TYK2: variants seen among roughly 807,000 people sequenced by gnomAD.
TYK2 encodes tyrosine kinase 2.
Under a neutral mutation model 130.9 loss-of-function variants are expected in TYK2, and 65 were observed. That is an observed-to-expected ratio of 0.50 (90% CI 0.41 to 0.61). The LOEUF is 0.61. TYK2 is among the 20% of genes least tolerant of loss of function. The pLI is 0.00. For missense variants in TYK2, 1,378 were observed against 1,610.7 expected (o/e 0.86, Z 2.47); for synonymous variants, 647 against 658.9 (o/e 0.98, Z 0.28).
chr19:10,368,481 C>A lies in TYK2; in HGVS notation c.194-63G>T. The A allele has an allele frequency of 3.7e-6, 6 of 1,610,826 alleles. 1 individual carries two copies. In the South Asian group the frequency reaches 6.6e-5, roughly 18 times the overall value. ...TTTGCTACCGTCAGCCCCAAAGACCCCCCAGACCCAATGTCTGCCTTCACA... is the reference window on the plus strand; with the variant it reads ...TTTGCTACCGTCAGCCCCAAAGACCACCCAGACCCAATGTCTGCCTTCACA... On this transcript the variant is annotated intron_variant, in intron 3 of 24. Coordinates refer to ENST00000525621, the MANE Select transcript of TYK2 (RefSeq NM_003331.5).
chr19:10,358,318 T>A (rs1387303032), intron 15 of TYK2, among the ~76,000 whole-genome samples, 180 bp from the exon 16 acceptor site: 1 of 142,524 alleles, frequency 7.0e-6, no homozygotes, highest in East Asian at 2.0e-4. Flanking sequence ...TTTTTTTTTT[T>A]AAGACAGGGT....
intron 3 of TYK2, among the ~76,000 whole-genome samples, chr19:10,372,274 T>G (rs1183151804): frequency 6.8e-6 from 1 of 146,244 alleles, no homozygotes; most frequent in Non-Finnish European, 1.5e-5. Flanking sequence ...ATTACAGGCG[T>G]GAGCCACGGC....
At chr19:10,370,510 CAA>C (rs36008928) in intron 3 of TYK2, among the ~76,000 whole-genome samples, 1,515 of 128,320 alleles carry the variant, frequency 0.012, 20 homozygotes, top group African/African-American at 0.036. Flanking sequence ...AAGACTGTCT[CAA>C]AAAAAAAAAA....
chr19:10,355,402 G>A (rs2041041992), intron 18 of TYK2, among the ~76,000 whole-genome samples: 1 of 152,248 alleles, frequency 6.6e-6, no homozygotes, highest in Non-Finnish European at 1.5e-5. Flanking sequence ...CACTTTGGGA[G>A]GCTGAGGAGG....
rs77000928 is a variant in TYK2 at position 10,363,740 on chromosome 19, G to A, written c.1367+874C>T. Among the ~76,000 whole-genome samples the A allele has an allele frequency of 5.2e-3, 785 of 152,328 alleles. 13 individuals are homozygous for A. The highest frequency in any genetic ancestry group is 0.03 in the East Asian group (154 of 5,184). The stretch of plus-strand genomic sequence containing the variant: ...GTGACACAAACATGCACTATAAAGT[G>A]TCATGGTCACATAGGTCCAGACACC... On this transcript the variant is annotated intron_variant, in intron 9 of 24. Transcript: ENST00000525621.
chr19:10,374,743 C>G (rs886588527), intron 3 of TYK2, among the ~76,000 whole-genome samples: 27 of 130,652 alleles, frequency 2.1e-4, no homozygotes, highest in Admixed American at 7.8e-4. Flanking sequence ...ATTAGCTGGG[C>G]GTGGTGGCAG....
chr19:10,376,270 C>T (rs1308708559), intron 3 of TYK2, among the ~76,000 whole-genome samples: 1 of 104,570 alleles, frequency 9.6e-6, no homozygotes, highest in Admixed American at 9.1e-5. Context: ...GCCTCAGCCT[C>T]TGAAAGTGTT....
chr19:10,366,937 C>A (rs280524), intron 5 of TYK2, among the ~76,000 whole-genome samples: 6 of 151,628 alleles, frequency 4.0e-5, no homozygotes, highest in East Asian at 1.9e-4. Context: ...CCAGCTACTC[C>A]GGAGGCTGAG....
rs2041115304 is a variant in TYK2 at position 10,356,625 on chromosome 19, T to A, written c.2560A>T (p.Thr854Ser). The A allele has an allele frequency of 3.1e-6, 5 of 1,613,610 alleles. No homozygotes were observed. Among genetic ancestry groups the A allele is most frequent in the Non-Finnish European group, 4.2e-6 (5 of 1,179,970 alleles). Residue 854 changes from threonine (T) to serine (S), a missense_variant, in exon 18 of 25, where the codon ACC becomes TCC. Transcript: ENST00000525621. ...ATGGTGCGGAATGATGGCCTCTGGG[T>A]TGGCTCATAGGTCAGACACTGGCTG... is the stretch of plus-strand genomic sequence containing the variant. ...LTSQCLTYEP[T>S]QRPSFRTILR...
chr19:10,365,377 GC>G, intron 7 of TYK2, 139 bp downstream of exon 7: 1 of 1,321,306 alleles, frequency 7.6e-7, no homozygotes, highest in Admixed American at 1.8e-5. Context: ...CAAGAAACTG[GC>G]CCTAGCGGAC....
rs770531180 is a variant in TYK2, at chr19:10,358,294, G to GTTTTTTTTTTTTTTTTTTTTT, written c.2176-177_2176-157dup. Reference sequence around the variant, plus strand: ...TTTTTTGGGGGGTTATTTTTTTCTTGTTTTTTTTTTTTTTTTTTTTTTTTA... The same window carrying GTTTTTTTTTTTTTTTTTTTTT: ...TTTTTTGGGGGGTTATTTTTTTCTTGTTTTTTTTTTTTTTTTTTTTTTTTTTTTTTTTTTTTTTTTTTTTTA... On this transcript the variant is annotated intron_variant, in intron 15 of 24. Coordinates refer to ENST00000525621, the MANE Select transcript of TYK2 (RefSeq NM_003331.5). 1.6e-4 allele frequency among the ~76,000 whole-genome samples: 15 copies of GTTTTTTTTTTTTTTTTTTTTT among 91,438 alleles called. 1 individual carries two copies. The highest frequency in any genetic ancestry group is 5.7e-4 in the African/African-American group (13 of 22,836). 60.0% of individuals were successfully genotyped at this position (91,438 alleles called of 152,430 possible). A position where few individuals can be genotyped will look rare whatever the true frequency, so the allele number is the denominator to read the frequency against.
Position 10,351,155 on chromosome 19 carries a change from A to G in TYK2, c.3326T>C (p.Leu1109Pro). The G allele has an allele frequency of 6.2e-7, 1 of 1,613,188 alleles. No homozygotes were observed. The highest frequency in any genetic ancestry group is 8.5e-7 in the Non-Finnish European group (1 of 1,179,518). ...ACCCTGAGCAATGCCTATGAGCTCA[A>G]GGAATTTCTACAGTATAAACAAGAC... ...DSSQSPPTKFLELIGIAQGQM... is the reference protein window; with the variant it reads ...DSSQSPPTKFPELIGIAQGQM... The change falls in exon 24 of 25, where the codon CTT becomes CCT. Residue 1109 changes from leucine to proline, a missense_variant. Physicochemically the swap from Leu to Pro is moderately conservative, Grantham distance 98. Coordinates refer to ENST00000525621, the MANE Select transcript of TYK2 (RefSeq NM_003331.5).
chr19:10,363,790 T>G (rs534394572), intron 9 of TYK2, among the ~76,000 whole-genome samples: 1 of 152,310 alleles, frequency 6.6e-6, no homozygotes, highest in East Asian at 1.9e-4. Flanking sequence ...CTGACACACG[T>G]GGTCCCCAAA....
chr19:10,366,083 G>A (rs537405742), intron 6 of TYK2, among the ~76,000 whole-genome samples, 185 bp from the exon 7 acceptor site: 5 of 152,206 alleles, frequency 3.3e-5, no homozygotes, highest in East Asian at 3.9e-4. Flanking sequence ...CGGAAGGATC[G>A]CTTGAGGTCA....
At chr19:10,377,602 G>A in intron 3 of TYK2, among the ~76,000 whole-genome samples, 1 of 88,890 alleles carries the variant, frequency 1.1e-5, no homozygotes, top group Admixed American at 1.2e-4. Flanking sequence ...ATGAATGGAT[G>A]GATGGGTGGA....
intron 23 of TYK2, 25 bp from the exon 24 acceptor site, chr19:10,351,187 T>G: frequency 6.3e-7 from 1 of 1,595,810 alleles, no homozygotes; most frequent in Non-Finnish European, 8.6e-7. Flanking sequence ...AGACAAGCTC[T>G]TTTCAAGAGG....
chr19:10,354,539 A>C lies in TYK2; in HGVS notation c.2688T>G (p.Tyr896Ter). 1 of 1,614,012 alleles carries C rather than the reference A, an allele frequency of 6.2e-7. No homozygotes were observed. Among genetic ancestry groups the C allele is most frequent in the Non-Finnish European group, 8.5e-7 (1 of 1,180,006 alleles). Residue 896 changes from tyrosine to a stop codon, truncating the protein, a stop_gained, in exon 19 of 25, where the codon TAT (tyrosine) becomes TAG (stop). Coordinates refer to ENST00000525621, the MANE Select transcript of TYK2 (RefSeq NM_003331.5). LOFTEE classifies it high-confidence loss of function. Reference protein sequence around the residue: ...ASDPTVFHKRYLKKIRDLGEG... With the variant: ...ASDPTVFHKR ...CGCCCAGATCTCGGATCTTTTTCAA[A>C]TAGCGCTTGTGGAAAACCGTAGGGT...
chr19:10,357,896 C>T lies in TYK2; in HGVS notation c.2334G>A (p.Trp778Ter). ...SREERVERIP[W>*]LAPECLPGGA... ...CACCTGGTAGGCATTCGGGGGCCAG[C>T]CAGGGGATCCTCTCCACCCGCTCTG... Residue 778 changes from tryptophan (W) to a stop codon, truncating the protein, a stop_gained, in exon 17 of 25, where the codon TGG becomes TGA. Coordinates refer to ENST00000525621, the MANE Select transcript of TYK2 (RefSeq NM_003331.5). LOFTEE classifies it high-confidence loss of function. The T allele has an allele frequency of 6.2e-7, 1 of 1,613,544 alleles. No homozygotes were observed. Among genetic ancestry groups the T allele is most frequent in the Non-Finnish European group, 8.5e-7 (1 of 1,180,032 alleles).
intron 3 of TYK2, among the ~76,000 whole-genome samples, chr19:10,377,080 T>C (rs1055533241): frequency 3.3e-5 from 5 of 152,078 alleles, no homozygotes; most frequent in Non-Finnish European, 7.3e-5. Flanking sequence ...TTCTAAAAAT[T>C]ATTTTGTTGA....
Sources: allele counts gnomAD v4.1 joint callset (sites outside exome capture counted in the v4.1 genomes callset), GRCh38; gene constraint gnomAD v4.1.1; transcripts MANE v1.5; gene names NCBI Gene and HGNC (gene_info 2026-07-23, HGNC 2026-07-21).